PADI6: variants seen among roughly 807,000 people sequenced by gnomAD.
PADI6 encodes peptidyl arginine deiminase 6.
PADI6 carries 66 observed loss-of-function variants against 78.2 expected under a neutral mutation model. That is an observed-to-expected ratio of 0.84 (90% CI 0.69 to 1.04). The LOEUF is 1.04. Among genes scored for constraint, PADI6 ranks in the 50% least tolerant of loss-of-function variants. The pLI is 0.00. For missense variants in PADI6, 854 were observed against 866.1 expected, an observed-to-expected ratio of 0.99 and a Z score of 0.18; for synonymous variants, 397 against 346.9, an observed-to-expected ratio of 1.14 and a Z score of -1.60.
intron 6 of PADI6, among the ~76,000 whole-genome samples, chr1:17,386,404 C>T (rs1270253752): frequency 6.6e-6 from 1 of 152,236 alleles, no homozygotes; most frequent in African/African-American, 2.4e-5. Flanking sequence ...ACCCTCTCGC[C>T]CTCACTGCCT....
At position 17,388,824 on chromosome 1, in the gene PADI6, G is replaced by A. The variant is rs2075153651; in HGVS notation, c.906G>A (p.Val302=). 1.2e-6 allele frequency: 2 copies of A among 1,613,702 alleles called. No individual in the cohort carries two copies. Among genetic ancestry groups the A allele is most frequent in the African/African-American group, 1.3e-5 (1 of 74,912 alleles). Residue 302 remains valine, a synonymous_variant, in exon 8 of 16, where the codon GTG becomes GTA. Coordinates refer to ENST00000619609, the MANE Select transcript of PADI6 (RefSeq NM_207421.4). ...ACAAAGACACGGTGGTGTTCCGGGT[G>A]GCTCCCTGTGTCTTCATTCCCTGTA... The part of the protein sequence containing the change: ...VLYKDTVVFR[V]APCVFIPCTQ...
intron 2 of PADI6, among the ~76,000 whole-genome samples, chr1:17,374,312 G>A (rs894361153): frequency 5.3e-5 from 8 of 152,036 alleles, no homozygotes; most frequent in Non-Finnish European, 8.8e-5. Flanking sequence ...TGAGAGGCAA[G>A]TAGTGGACTT....
intron 5 of PADI6, 136 bp from the exon 6 acceptor site, chr1:17,381,831 G>A: frequency 1.0e-6 from 1 of 996,174 alleles, no homozygotes; most frequent in Non-Finnish European, 1.5e-6. Context: ...TAATTCTTCG[G>A]GCCTGGGCCC....
chr1:17,398,674 A>ACCCCCCCCCCCCC lies in PADI6; in HGVS notation c.1690-9_1690-8insCCCCCCCCCCCCC. The ACCCCCCCCCCCCC allele has an allele frequency of 3.2e-5, 3 of 93,246 alleles. No homozygotes were observed. Among genetic ancestry groups the ACCCCCCCCCCCCC allele is most frequent in the South Asian group, 1.3e-4 (2 of 15,438 alleles). 5.8% of individuals were successfully genotyped at this position (93,246 alleles called of 1,614,324 possible). ...CCCCCGCCCCCCCCCCCACCCACCC[A>ACCCCCCCCCCCCC]CCCACCCACAGAAGTGCATTCACCT... is the stretch of plus-strand genomic sequence containing the variant. On this transcript the variant is annotated splice_polypyrimidine_tract_variant and intron_variant, in intron 14 of 15. Coordinates refer to ENST00000619609, the MANE Select transcript of PADI6 (RefSeq NM_207421.4).
At chr1:17,381,856 G>T in intron 5 of PADI6, 111 bp from the exon 6 acceptor site, 4 of 1,283,676 alleles carry the variant, frequency 3.1e-6, no homozygotes, top group Non-Finnish European at 4.4e-6. Context: ...AAAAGGCAGG[G>T]GGTCCTTGGT....
At chr1:17,395,418 G>A in intron 12 of PADI6, 122 bp from the exon 13 acceptor site, 2 of 1,256,418 alleles carry the variant, frequency 1.6e-6, no homozygotes, top group Non-Finnish European at 2.2e-6. Flanking sequence ...TGGCCAGGCT[G>A]GTCTCGAACT....
intron 6 of PADI6, among the ~76,000 whole-genome samples, chr1:17,382,309 C>G (rs1032015220): frequency 2.6e-5 from 4 of 152,218 alleles, no homozygotes; most frequent in Non-Finnish European, 4.4e-5. Context: ...TATTGCACCT[C>G]TAAGCCACTT....
At chr1:17,374,219 TA>T (rs1304862084) in intron 2 of PADI6, among the ~76,000 whole-genome samples, 1 of 151,424 alleles carries the variant, frequency 6.6e-6, no homozygotes, top group African/African-American at 2.4e-5. Context: ...CCCCACACCC[TA>T]CAGGACCTAC....
Position 17,381,984 on chromosome 1 carries a change from C to A in PADI6, c.571C>A (p.Gln191Lys). The A allele has an allele frequency of 6.2e-7, 1 of 1,613,958 alleles. No individual in the cohort carries two copies. Among genetic ancestry groups the A allele is most frequent in the Non-Finnish European group, 8.5e-7 (1 of 1,179,854 alleles). Residue 191 changes from glutamine to lysine, a missense_variant, in exon 6 of 16, where the codon CAG (glutamine) becomes AAG (lysine). By Grantham distance (53) the Gln-to-Lys change is moderately conservative. Transcript: ENST00000619609. ...IFSEEITNLS[Q>K]MTLNVQGPSC... Reference sequence around the variant, plus strand: ...TTGCCCAGAAATAACGAATCTGTCCCAGATGACTCTGAATGTCCAAGGCCC... The same window carrying A: ...TTGCCCAGAAATAACGAATCTGTCCAAGATGACTCTGAATGTCCAAGGCCC...
At chr1:17,376,623 C>A (rs760416423) in intron 3 of PADI6, among the ~76,000 whole-genome samples, 1 of 151,724 alleles carries the variant, frequency 6.6e-6, no homozygotes, top group South Asian at 2.1e-4. Flanking sequence ...TGGTCTCAAT[C>A]TCCTGACCTC....
chr1:17,377,930 G>A (rs1290928553), intron 3 of PADI6, among the ~76,000 whole-genome samples: 1 of 152,052 alleles, frequency 6.6e-6, no homozygotes, highest in Non-Finnish European at 1.5e-5. Flanking sequence ...AGCCAAAGTC[G>A]CTGCCCACGA....
At chr1:17,398,211 C>T (rs1454343465) in intron 14 of PADI6, among the ~76,000 whole-genome samples, 1 of 152,180 alleles carries the variant, frequency 6.6e-6, no homozygotes, top group Non-Finnish European at 1.5e-5. Context: ...CCCTGTTTTG[C>T]AAGAACAGCC....
intron 6 of PADI6, among the ~76,000 whole-genome samples, chr1:17,384,777 C>T (rs968792127): frequency 2.6e-5 from 4 of 152,156 alleles, no homozygotes; most frequent in African/African-American, 9.7e-5. Flanking sequence ...TGCCCAAGCC[C>T]ATAGTAAAGT....
intron 10 of PADI6, 109 bp downstream of exon 10, chr1:17,394,191 G>C (rs148192373): frequency 9.9e-5 from 20 of 201,752 alleles, no homozygotes; most frequent in Admixed American, 1.4e-4. Context: ...TGGCCTCTGA[G>C]GGGGGAGGGG....
chr1:17,400,938 G>C (rs2075295857), intron 15 of PADI6, among the ~76,000 whole-genome samples: 1 of 152,240 alleles, frequency 6.6e-6, no homozygotes, highest in African/African-American at 2.4e-5. Flanking sequence ...GCAGCCATGT[G>C]TTGTATCCAG....
At chr1:17,390,200 C>T (rs928626197) in intron 8 of PADI6, among the ~76,000 whole-genome samples, 5 of 151,790 alleles carry the variant, frequency 3.3e-5, no homozygotes, top group Admixed American at 2.6e-4. Flanking sequence ...CTCAGTGAAG[C>T]TGAGGCAGGA....
chr1:17,373,339 T>C, intron 2 of PADI6, 106 bp downstream of exon 2: 3 of 1,343,006 alleles, frequency 2.2e-6, no homozygotes, highest in Non-Finnish European at 3.1e-6. Flanking sequence ...GGGAAACACG[T>C]TGTTTTGCAC....
intron 2 of PADI6, among the ~76,000 whole-genome samples, chr1:17,375,168 A>G (rs2075002746): frequency 6.6e-6 from 1 of 152,122 alleles, no homozygotes; most frequent in Non-Finnish European, 1.5e-5. Flanking sequence ...TCAGGGATAC[A>G]GCTCTCACGT....
Position 17,395,567 on chromosome 1 carries a change from A to G in PADI6, c.1522A>G (p.Ser508Gly), listed in dbSNP as rs767401955. Reference protein sequence around the residue: ...KGFLLLLASPSACYKLFREKQ... With the variant: ...KGFLLLLASPGACYKLFREKQ... ...CTTCCTGCTGCTCCTGGCCAGCCCCAGTGCCTGCTATAAACTGTTCCGAGA... is the reference window on the plus strand; with the variant it reads ...CTTCCTGCTGCTCCTGGCCAGCCCCGGTGCCTGCTATAAACTGTTCCGAGA... The change falls in exon 13 of 16, where the codon AGT becomes GGT. Residue 508 changes from serine (S) to glycine (G), a missense_variant. Coordinates refer to ENST00000619609, the MANE Select transcript of PADI6 (RefSeq NM_207421.4). 2.5e-5 allele frequency: 39 copies of G among 1,565,456 alleles called. No homozygotes were observed. Among genetic ancestry groups the G allele is most frequent in the Middle Eastern group, 1.7e-4 (1 of 5,888 alleles).
Sources: allele counts gnomAD v4.1 joint callset (sites outside exome capture counted in the v4.1 genomes callset), GRCh38; gene constraint gnomAD v4.1.1; transcripts MANE v1.5; gene names NCBI Gene and HGNC (gene_info 2026-07-23, HGNC 2026-07-21).